TAF15: variants seen among roughly 807,000 people sequenced by gnomAD.
TAF15 encodes TATA-binding protein-associated factor 2N.
Under a neutral mutation model 102.5 loss-of-function variants are expected in TAF15, and 37 were observed. That is an observed-to-expected ratio of 0.36 (90% confidence interval 0.28 to 0.47). The LOEUF (loss-of-function observed/expected upper bound fraction) is 0.47, where lower values mean the gene tolerates loss of function less well. Ranked by LOEUF, TAF15 falls within the 20% of genes least tolerant of loss-of-function variation. The probability of loss-of-function intolerance (pLI) is 0.99; values close to 1 mark genes in which losing one functional copy is unlikely to be tolerated. For missense variants in TAF15, 652 were observed against 760.7 expected (o/e 0.86, Z 1.68); for synonymous variants, 273 against 259.2 (o/e 1.05, Z -0.51).
chr17:35,830,586 A>G (rs1170474421), intron 7 of TAF15, among the ~76,000 whole-genome samples: 1 of 152,250 alleles, frequency 6.6e-6, no homozygotes, highest in Non-Finnish European at 1.5e-5. Context: ...AATATCTAAT[A>G]GTACTACTTG....
Position 35,844,484 on chromosome 17 carries a change from G to A in TAF15, c.1185G>A (p.Arg395=), listed in dbSNP as rs779519915. 6.2e-7 allele frequency: 1 copy of A among 1,613,592 alleles called. No individual in the cohort carries two copies. The highest frequency in any genetic ancestry group is 1.1e-5 in the South Asian group (1 of 91,070). ...EDSRPSGGDF[R]GRGYGGERGY... ...TGCATTTCTACCTTGCAGATTTCCG[G>A]GGGAGAGGCTACGGTGGAGAGAGGG... Residue 395 remains arginine, a synonymous_variant, in exon 15 of 16, where the codon CGG becomes CGA. Transcript: ENST00000605844.
At chr17:35,840,043 A>G (rs1397031556) in intron 11 of TAF15, among the ~76,000 whole-genome samples, 1 of 152,078 alleles carries the variant, frequency 6.6e-6, no homozygotes. Flanking sequence ...CTCCCGTTTT[A>G]CAGAGAGTGA....
At chr17:35,836,865 C>G (rs2087481480) in intron 10 of TAF15, among the ~76,000 whole-genome samples, 1 of 151,520 alleles carries the variant, frequency 6.6e-6, no homozygotes, top group Non-Finnish European at 1.5e-5. Context: ...GCAGCCTCTG[C>G]CTTCCGGGTT....
intron 2 of TAF15, among the ~76,000 whole-genome samples, 157 bp from the exon 3 acceptor site, chr17:35,819,867 G>A (rs1000752848): frequency 3.3e-5 from 5 of 151,970 alleles, no homozygotes; most frequent in South Asian, 2.1e-4. Flanking sequence ...GTCTTTGATC[G>A]TCACCTTTCA....
intron 1 of TAF15, among the ~76,000 whole-genome samples, chr17:35,812,972 A>G (rs776882558): frequency 6.6e-6 from 1 of 152,104 alleles, no homozygotes; most frequent in South Asian, 2.1e-4. Context: ...TACTAAAAGT[A>G]TAAAAATTGC....
intron 6 of TAF15, among the ~76,000 whole-genome samples, chr17:35,823,228 T>C (rs1269859526): frequency 6.6e-6 from 1 of 152,318 alleles, no homozygotes; most frequent in South Asian, 2.1e-4. Context: ...AAGTAAGTGC[T>C]TGTTGAATAA....
At chr17:35,814,006 TG>T (rs2087160461) in intron 1 of TAF15, among the ~76,000 whole-genome samples, 1 of 151,928 alleles carries the variant, frequency 6.6e-6, no homozygotes, top group Admixed American at 6.6e-5. Context: ...TTGTTGTTGT[TG>T]TTGTTTTTGT....
chr17:35,821,515 A>T (rs922380555), intron 5 of TAF15, among the ~76,000 whole-genome samples: 3 of 152,176 alleles, frequency 2.0e-5, no homozygotes, highest in African/African-American at 7.2e-5. Context: ...TAGGGAACAT[A>T]CTGATCTTTT....
At chr17:35,834,489 G>A (rs927575098) in intron 8 of TAF15, 77 bp from the exon 9 acceptor site, 1 of 1,431,770 alleles carries the variant, frequency 7.0e-7, no homozygotes, top group Non-Finnish European at 9.8e-7. Context: ...TCATGCCTTG[G>A]TTTATTACTA....
chr17:35,845,774 A>G (rs1162430972), intron 15 of TAF15, among the ~76,000 whole-genome samples: 5 of 152,302 alleles, frequency 3.3e-5, no homozygotes, highest in South Asian at 2.1e-4. Flanking sequence ...GGCGTGAGCC[A>G]CTGTGCCTGT....
intron 1 of TAF15, among the ~76,000 whole-genome samples, chr17:35,814,027 GAGT>G (rs2087160865): frequency 6.6e-6 from 1 of 151,274 alleles, no homozygotes; most frequent in Non-Finnish European, 1.5e-5. Context: ...TTTTTTTTAA[GAGT>G]AGCGGGGACT....
intron 9 of TAF15, among the ~76,000 whole-genome samples, chr17:35,835,808 A>T (rs1244779207): frequency 6.6e-6 from 1 of 152,250 alleles, no homozygotes; most frequent in Non-Finnish European, 1.5e-5. Context: ...AGAAATGCTA[A>T]ACTAACTCCA....
intron 7 of TAF15, among the ~76,000 whole-genome samples, chr17:35,827,776 G>C (rs2087348875): frequency 1.3e-5 from 2 of 152,110 alleles, no homozygotes; most frequent in Non-Finnish European, 2.9e-5. Flanking sequence ...GACATTCTTG[G>C]ACTTACAGAT....
At chr17:35,832,965 T>C (rs1234314412) in intron 7 of TAF15, among the ~76,000 whole-genome samples, 1 of 152,020 alleles carries the variant, frequency 6.6e-6, no homozygotes, top group African/African-American at 2.4e-5. Context: ...GAGATCAACT[T>C]AGCCAACATG....
At position 35,812,258 on chromosome 17, in the gene TAF15, A is replaced by G. The variant is rs74194631; in HGVS notation, c.7+2682A>G. Reference sequence around the variant, plus strand: ...AGGAAACTTTAAGACAAATTAACGTAAAAATGGTTTCTGGGCTGGTAATAC... The same window carrying G: ...AGGAAACTTTAAGACAAATTAACGTGAAAATGGTTTCTGGGCTGGTAATAC... On this transcript the variant is annotated intron_variant, in intron 1 of 15. Coordinates refer to ENST00000605844, the MANE Select transcript of TAF15 (RefSeq NM_139215.3). Among the ~76,000 whole-genome samples, 808 of 152,334 alleles carry G rather than the reference A, an allele frequency of 5.3e-3. 36 individuals carry two copies. In the East Asian group the frequency reaches 0.11, roughly 21 times the overall value.
In TAF15 at chr17:35,831,602, C is replaced by A. The variant is rs185443458; in HGVS notation, c.606-2305C>A. Among the ~76,000 whole-genome samples, 1,184 of 152,192 alleles carry A rather than the reference C, an allele frequency of 7.8e-3. 7 individuals are homozygous for A. Among genetic ancestry groups the A allele is most frequent in the Non-Finnish European group, 0.011 (726 of 68,008 alleles). On this transcript the variant is annotated intron_variant, in intron 7 of 15. Coordinates refer to ENST00000605844, the MANE Select transcript of TAF15 (RefSeq NM_139215.3). ...ATGTATGAAATTGCATGTTTTCCAT[C>A]CATTGTGGCCAGGTTTGGTATTCCC...
chr17:35,840,383 C>T (rs2087529671), intron 11 of TAF15, among the ~76,000 whole-genome samples: 1 of 150,618 alleles, frequency 6.6e-6, no homozygotes, highest in Non-Finnish European at 1.5e-5. Context: ...TCCCGAGTAG[C>T]TGGGACTACA....
At chr17:35,831,048 A>C (rs943057887) in intron 7 of TAF15, among the ~76,000 whole-genome samples, 3 of 152,100 alleles carry the variant, frequency 2.0e-5, no homozygotes, top group Admixed American at 2.0e-4. Flanking sequence ...GGTATTTCCA[A>C]ATTTATGGCC....
At chr17:35,835,560 G>A (rs2087463614) in intron 9 of TAF15, among the ~76,000 whole-genome samples, 1 of 152,216 alleles carries the variant, frequency 6.6e-6, no homozygotes, top group Non-Finnish European at 1.5e-5. Context: ...ATCCCTTCAT[G>A]GACTGAATTC....
Sources: gnomAD v4.1 joint callset for allele counts (sites outside exome capture counted in the v4.1 genomes callset) on GRCh38, gnomAD v4.1.1 for gene constraint, MANE v1.5 for transcripts, NCBI Gene and HGNC (gene_info 2026-07-23, HGNC 2026-07-21) for gene names.